The following MOXD1 variants were observed in gnomAD, a reference collection of about 807,000 sequenced individuals.
The protein encoded by MOXD1 is monooxygenase DBH like 1, also known as DBH-like monooxygenase protein 1.
MOXD1 carries 62 observed loss-of-function variants against 66.6 expected under a neutral mutation model. That is an observed-to-expected ratio of 0.93 (90% CI 0.76 to 1.15). The LOEUF (loss-of-function observed/expected upper bound fraction) is 1.15. MOXD1 is among the 50% of genes most tolerant of loss of function. The probability of loss-of-function intolerance (pLI) is 0.00; values close to 1 mark genes in which losing one functional copy is unlikely to be tolerated. For synonymous variants in MOXD1, 303 were observed against 281.9 expected (o/e 1.07, Z -0.75); for missense variants, 847 against 754.6 (o/e 1.12, Z -1.44).
At position 132,296,985 on chromosome 6, in the gene MOXD1, A is replaced by G; in HGVS notation, c.*168T>C. 3.5e-6 allele frequency: 2 copies of G among 570,352 alleles called. No individual in the cohort carries two copies. The highest frequency in any genetic ancestry group is 1.8e-5 in the African/African-American group (1 of 54,082). 35.3% of individuals were successfully genotyped at this position (570,352 alleles called of 1,614,324 possible). On this transcript the variant is annotated 3_prime_UTR_variant, in exon 12 of 12. Coordinates refer to ENST00000367963, the MANE Select transcript of MOXD1 (RefSeq NM_015529.4). ...AGATATTTCTAAGAAAGAGAAGAGAACCTGATTGATGTCTCTCATGTAACA... is the reference window on the plus strand; with the variant it reads ...AGATATTTCTAAGAAAGAGAAGAGAGCCTGATTGATGTCTCTCATGTAACA...
Position 132,320,662 on chromosome 6 carries a change from G to A in MOXD1, c.1332C>T (p.Arg444=). Reference sequence around the variant, plus strand: ...TCTCAGCTCTATCTTTCGTGTTGTAGCGACACTCAGTAATTAGGTTATCTC... The same window carrying A: ...TCTCAGCTCTATCTTTCGTGTTGTAACGACACTCAGTAATTAGGTTATCTC... ...LPGDNLITEC[R]YNTKDRAEMT... Residue 444 remains arginine (R), a synonymous_variant, in exon 9 of 12, where the codon CGC becomes CGT. Transcript: ENST00000367963. 6.2e-7 allele frequency: 1 copy of A among 1,610,596 alleles called. No homozygotes were observed. The highest frequency in any genetic ancestry group is 2.2e-5 in the East Asian group (1 of 44,694).
At chr6:132,345,053 G>A (rs915339152) in intron 4 of MOXD1, among the ~76,000 whole-genome samples, 13 of 152,174 alleles carry the variant, frequency 8.5e-5, no homozygotes, top group African/African-American at 3.1e-4. Context: ...CAGGGGCCAC[G>A]GTCCAGAGTG....
At chr6:132,307,933 C>T (rs1774731531) in intron 10 of MOXD1, among the ~76,000 whole-genome samples, 1 of 152,024 alleles carries the variant, frequency 6.6e-6, no homozygotes, top group African/African-American at 2.4e-5. Flanking sequence ...CTCAAATCAA[C>T]ACCTTAACAT....
chr6:132,390,341 C>A (rs780223153), intron 1 of MOXD1: 17 of 151,504 alleles, frequency 1.1e-4, no homozygotes, highest in Non-Finnish European at 2.1e-4. Flanking sequence ...GAAAGACAAC[C>A]TTCAAAACTT....
chr6:132,316,045 G>A (rs541741953), intron 9 of MOXD1, among the ~76,000 whole-genome samples: 1 of 152,254 alleles, frequency 6.6e-6, no homozygotes, highest in Non-Finnish European at 1.5e-5. Context: ...GAACATTTCA[G>A]AGAATCATAA....
intron 4 of MOXD1, among the ~76,000 whole-genome samples, chr6:132,344,468 AG>A (rs1215753028): frequency 6.6e-6 from 1 of 152,188 alleles, no homozygotes; most frequent in Non-Finnish European, 1.5e-5. Context: ...CTAGGCAGAT[AG>A]GGGCGGGTCC....
At chr6:132,347,601 C>A (rs1304220958) in intron 4 of MOXD1, among the ~76,000 whole-genome samples, 1 of 151,920 alleles carries the variant, frequency 6.6e-6, no homozygotes, top group African/African-American at 2.4e-5. Flanking sequence ...CGCTTGAACT[C>A]CGAAGGTGGA....
In MOXD1 at chr6:132,373,017, A is replaced by G; in HGVS notation, c.412-20T>C. The G allele has an allele frequency of 3.1e-6, 5 of 1,599,700 alleles. No homozygotes were observed. The highest frequency in any genetic ancestry group is 4.3e-6 in the Non-Finnish European group (5 of 1,171,096). On this transcript the variant is annotated intron_variant, in intron 2 of 11. Coordinates refer to ENST00000367963, the MANE Select transcript of MOXD1 (RefSeq NM_015529.4). The stretch of plus-strand genomic sequence containing the variant: ...GCTATCCTGGGGATCAGACATGGGC[A>G]TGATTAGGTCTCATGAGAGCACTTT...
intron 10 of MOXD1, among the ~76,000 whole-genome samples, chr6:132,299,864 AATTT>A (rs760309564): frequency 2.4e-4 from 37 of 151,280 alleles, no homozygotes; most frequent in Non-Finnish European, 4.6e-4. Context: ...ATATTTTTAA[AATTT>A]ATTTATGTCA....
intron 4 of MOXD1, among the ~76,000 whole-genome samples, chr6:132,363,006 G>A (rs981537381): frequency 6.6e-6 from 1 of 152,106 alleles, no homozygotes; most frequent in African/African-American, 2.4e-5. Context: ...CCCAGTCTCT[G>A]TGTACTCATA....
intron 6 of MOXD1, among the ~76,000 whole-genome samples, chr6:132,326,597 A>AT (rs1211134425): frequency 6.6e-6 from 1 of 152,140 alleles, no homozygotes; most frequent in Non-Finnish European, 1.5e-5. Flanking sequence ...TGTGATGACA[A>AT]TTTTTATGTT....
At chr6:132,366,109 T>C (rs9373014) in intron 4 of MOXD1, among the ~76,000 whole-genome samples, 51,699 of 152,044 alleles carry the variant, frequency 0.34, 11,306 homozygotes, top group Non-Finnish European at 0.48. Context: ...GGGTAATCCA[T>C]TGGTGTTAAT....
rs1370291695 is a variant in MOXD1 at position 132,401,440 on chromosome 6, C to T, written c.-14G>A. On this transcript the variant is annotated 5_prime_UTR_variant, in exon 1 of 12. Coordinates refer to ENST00000367963, the MANE Select transcript of MOXD1 (RefSeq NM_015529.4). ...CCAGCAGCACATCCTCGGGCGCCTCCTGCCCGCCGGTACCGGCCTCCAGCC... is the reference window on the plus strand; with the variant it reads ...CCAGCAGCACATCCTCGGGCGCCTCTTGCCCGCCGGTACCGGCCTCCAGCC... 3 of 1,460,036 alleles carry T rather than the reference C, an allele frequency of 2.1e-6. No individual in the cohort carries two copies. Among genetic ancestry groups the T allele is most frequent in the Non-Finnish European group, 2.7e-6 (3 of 1,111,382 alleles). 90.4% of individuals were successfully genotyped at this position (1,460,036 alleles called of 1,614,324 possible). A position where few individuals can be genotyped will look rare whatever the true frequency, so the allele number is the denominator to read the frequency against.
chr6:132,329,712 C>A (rs1190165005), intron 4 of MOXD1, among the ~76,000 whole-genome samples: 3 of 151,704 alleles, frequency 2.0e-5, no homozygotes, highest in Non-Finnish European at 2.9e-5. Flanking sequence ...GAGGGTATAG[C>A]CTAAAATATG....
rs867832292 is a variant in MOXD1, at chr6:132,382,124, A to G, written c.265-7347T>C. On this transcript the variant is annotated intron_variant, in intron 1 of 11. Transcript: ENST00000367963. ...CATTATAAAAATGTAATTGTATAAT[A>G]TACGTATTTAACATATCATATACAC... Among the ~76,000 whole-genome samples the G allele has an allele frequency of 7.9e-5, 12 of 152,134 alleles. 1 individual carries two copies. The highest frequency in any genetic ancestry group is 2.7e-4 in the African/African-American group (11 of 41,458).
chr6:132,376,896 G>A (rs906600967), intron 1 of MOXD1, among the ~76,000 whole-genome samples: 6 of 152,146 alleles, frequency 3.9e-5, no homozygotes, highest in Non-Finnish European at 8.8e-5. Flanking sequence ...ACATCTATCA[G>A]ATAAAACTAT....
At chr6:132,331,429 G>C (rs1366500241) in intron 4 of MOXD1, among the ~76,000 whole-genome samples, 1 of 152,112 alleles carries the variant, frequency 6.6e-6, no homozygotes, top group Non-Finnish European at 1.5e-5. Flanking sequence ...GGTGTGTGAT[G>C]CTGGGTGGTG....
chr6:132,374,561 T>C, intron 2 of MOXD1, 70 bp downstream of exon 2: 1 of 1,338,214 alleles, frequency 7.5e-7, no homozygotes, highest in East Asian at 2.5e-5. Context: ...GTTTCTCTTA[T>C]TCTTTAAAGT....
chr6:132,378,760 A>T (rs920816745), intron 1 of MOXD1, among the ~76,000 whole-genome samples: 17 of 152,178 alleles, frequency 1.1e-4, no homozygotes, highest in African/African-American at 3.4e-4. Context: ...AACCTTCCTA[A>T]GAAAATTCTA....
Sources: allele counts gnomAD v4.1 joint callset (sites outside exome capture counted in the v4.1 genomes callset), GRCh38; gene constraint gnomAD v4.1.1; transcripts MANE v1.5; gene names NCBI Gene and HGNC (gene_info 2026-07-23, HGNC 2026-07-21).